Variants in CACNA1C observed in about 807,000 individuals in gnomAD.
The protein encoded by CACNA1C is voltage-dependent L-type calcium channel subunit alpha-1C.
A neutral mutation model predicts 229.0 loss-of-function variants in CACNA1C; 30 were observed. The ratio of observed to expected loss-of-function variants is 0.13; its 90% CI spans 0.10 to 0.18. The LOEUF (loss-of-function observed/expected upper bound fraction) is 0.18. Among genes scored for constraint, CACNA1C ranks in the 10% least tolerant of loss-of-function variants. The pLI is 1.00. For synonymous variants in CACNA1C, 1,114 were observed against 1,132.5 expected (o/e 0.98, Z 0.33); for missense variants, 1,658 against 2,845.0 (o/e 0.58, Z 9.49).
At chr12:2,578,691 G>T (rs181507014) in intron 13 of CACNA1C, among the ~76,000 whole-genome samples, 58 of 152,318 alleles carry the variant, frequency 3.8e-4, no homozygotes, top group Non-Finnish European at 7.3e-4. Context: ...AAAAGCTATG[G>T]TTCTCATTTC....
rs2097826672 is a variant in CACNA1C, at chr12:2,694,976, A to T, written c.*3777A>T. On this transcript the variant is annotated 3_prime_UTR_variant, in exon 47 of 47. Transcript: ENST00000399655. ...GGTAAAGGAGGATGATGGCATCTCCATCCCTAGAGGCCAAGAATTGAAATA... is the reference window on the plus strand; with the variant it reads ...GGTAAAGGAGGATGATGGCATCTCCTTCCCTAGAGGCCAAGAATTGAAATA... The T allele has an allele frequency of 1.3e-5, 2 of 152,246 alleles. No homozygotes were observed. 9.4% of individuals were successfully genotyped at this position (152,246 alleles called of 1,614,324 possible).
At chr12:2,051,625 G>A (rs987265298), upstream of CACNA1C, among the ~76,000 whole-genome samples, 6 of 152,192 alleles carry the variant, frequency 3.9e-5, no homozygotes, top group Non-Finnish European at 5.9e-5. Flanking sequence ...TTCACCTGAA[G>A]GTAGGGTCAA....
chr12:2,105,526 G>C (rs7978876), intron 1 of CACNA1C, among the ~76,000 whole-genome samples: 84,785 of 150,598 alleles, frequency 0.56, 25,417 homozygotes, highest in Non-Finnish European at 0.66. Flanking sequence ...GTAGGAGGAA[G>C]CGCAGTCAGA....
intron 3 of CACNA1C, among the ~76,000 whole-genome samples, chr12:2,318,338 G>A (rs1394282867): frequency 6.6e-6 from 1 of 152,240 alleles, no homozygotes; most frequent in African/African-American, 2.4e-5. Flanking sequence ...TGCAGCCGCT[G>A]AAACAATGAT....
chr12:2,596,391 C>T (rs1348008724), intron 20 of CACNA1C, among the ~76,000 whole-genome samples: 5 of 152,136 alleles, frequency 3.3e-5, no homozygotes, highest in African/African-American at 1.2e-4. Context: ...ATATGGCTGA[C>T]CTTACCTAAA....
chr12:2,264,923 G>T (rs116469254), intron 3 of CACNA1C, among the ~76,000 whole-genome samples: 3,832 of 152,244 alleles, frequency 0.025, 153 homozygotes, highest in African/African-American at 0.087. Flanking sequence ...CCTATCCTGC[G>T]TTGGCTCCTT....
chr12:2,381,912 A>T (rs1202580390), intron 3 of CACNA1C, among the ~76,000 whole-genome samples: 2 of 152,250 alleles, frequency 1.3e-5, no homozygotes, highest in Non-Finnish European at 1.5e-5. Flanking sequence ...GAATCAGAAC[A>T]TCTGGGAGGA....
intron 13 of CACNA1C, among the ~76,000 whole-genome samples, chr12:2,571,357 A>T (rs1029985751): frequency 6.6e-6 from 1 of 152,146 alleles, no homozygotes; most frequent in Non-Finnish European, 1.5e-5. Flanking sequence ...TTCTTGTTAG[A>T]TAATTGCCGA....
chr12:2,629,648 C>T (rs1372122492), intron 29 of CACNA1C, among the ~76,000 whole-genome samples: 1 of 152,222 alleles, frequency 6.6e-6, no homozygotes, highest in African/African-American at 2.4e-5. Context: ...GTGTCTGAAT[C>T]CAGATCTGCC....
rs925361178 is a variant in CACNA1C, at chr12:2,653,051, G to A, written c.4075-784G>A. Among the ~76,000 whole-genome samples the A allele has an allele frequency of 6.6e-6, 1 of 152,246 alleles. No homozygotes were observed. Among genetic ancestry groups the A allele is most frequent in the African/African-American group, 2.4e-5 (1 of 41,462 alleles). On this transcript the variant is annotated intron_variant, in intron 32 of 46. Coordinates refer to ENST00000399655, the MANE Select transcript of CACNA1C (RefSeq NM_000719.7). This position sits in a 1 kb window ranked among gnomAD's most constrained non-coding sequence, Gnocchi z 4.7. The stretch of plus-strand genomic sequence containing the variant: ...GCTGAAGCGGCGCCCGGGAACACGG[G>A]CTGGGCCTCCCATCCTGGGGACCAT...
chr12:2,381,164 A>G (rs1192207521), intron 3 of CACNA1C, among the ~76,000 whole-genome samples: 1 of 152,158 alleles, frequency 6.6e-6, no homozygotes, highest in Non-Finnish European at 1.5e-5. Flanking sequence ...TCATCTCTGA[A>G]TGGAGGAAGG....
intron 1 of CACNA1C, among the ~76,000 whole-genome samples, chr12:2,066,529 A>G (rs115322336): frequency 0.012 from 1,791 of 152,198 alleles, 35 homozygotes; most frequent in African/African-American, 0.041. Context: ...GGATTGAATG[A>G]TTGGGCTGGA....
intron 5 of CACNA1C, among the ~76,000 whole-genome samples, chr12:2,458,878 T>C (rs1259589940): frequency 6.6e-6 from 1 of 152,188 alleles, no homozygotes; most frequent in Non-Finnish European, 1.5e-5. Context: ...ACTAGAATCA[T>C]GTCTCCTGAT....
chr12:2,450,570 A>AG (rs2099359652), intron 4 of CACNA1C, among the ~76,000 whole-genome samples: 1 of 149,522 alleles, frequency 6.7e-6, no homozygotes, highest in Non-Finnish European at 1.5e-5. Flanking sequence ...AAAAAAAAAA[A>AG]AAAAAAAACG....
At chr12:2,220,392 AC>A (rs1431647550) in intron 3 of CACNA1C, 2 of 152,400 alleles carry the variant, frequency 1.3e-5, no homozygotes, top group African/African-American at 4.8e-5. Context: ...GGGAACTGGT[AC>A]AAGCATTACC....
chr12:2,597,718 CT>C lies in CACNA1C; in HGVS notation c.2853+430del, dbSNP rs1382755791. Among the ~76,000 whole-genome samples the C allele has an allele frequency of 2.6e-5, 4 of 152,208 alleles. No individual in the cohort carries two copies. Among genetic ancestry groups the C allele is most frequent in the African/African-American group, 7.2e-5 (3 of 41,452 alleles). ...CCACAGCTCCTCCCTCCAGCCACCCCTAAGCAGTCCGTGGCCTGGAAGGGAC... is the reference window on the plus strand; with the variant it reads ...CCACAGCTCCTCCCTCCAGCCACCCCAAGCAGTCCGTGGCCTGGAAGGGAC... On this transcript the variant is annotated intron_variant, in intron 21 of 46. Transcript: ENST00000399655. The surrounding 1 kb of genome is among the most constrained non-coding windows in gnomAD (Gnocchi z 4.3).
At chr12:2,534,675 C>T (rs1361836245) in intron 9 of CACNA1C, among the ~76,000 whole-genome samples, 2 of 152,168 alleles carry the variant, frequency 1.3e-5, no homozygotes, top group African/African-American at 4.8e-5. Context: ...CTCCAGATAG[C>T]CAGGCCATTT....
At chr12:2,588,342 T>C (rs56280218) in intron 18 of CACNA1C, among the ~76,000 whole-genome samples, 5,551 of 152,286 alleles carry the variant, frequency 0.036, 354 homozygotes, top group African/African-American at 0.13. Flanking sequence ...TCCCTCCTGC[T>C]CTGCCTTCAG....
chr12:2,517,936 A>T (rs912336128), intron 9 of CACNA1C, among the ~76,000 whole-genome samples: 3 of 152,238 alleles, frequency 2.0e-5, no homozygotes, highest in African/African-American at 4.8e-5. Context: ...GACAACTTAA[A>T]TGCACCCTGG....
Sources: allele counts gnomAD v4.1 joint callset (sites outside exome capture counted in the v4.1 genomes callset), GRCh38; gene constraint gnomAD v4.1.1; non-coding constraint Gnocchi (gnomAD v3.1); transcripts MANE v1.5; gene names NCBI Gene and HGNC (gene_info 2026-07-23, HGNC 2026-07-21).